Variants in KLHL5 observed in about 807,000 individuals in gnomAD.
KLHL5 encodes kelch-like protein 5.
A neutral mutation model predicts 77.7 loss-of-function variants in KLHL5; 48 were observed. The ratio of observed to expected loss-of-function variants is 0.62; its 90% CI spans 0.49 to 0.79. The LOEUF is 0.79. Ranked by LOEUF, KLHL5 falls within the 30% of genes least tolerant of loss-of-function variation. The pLI is 0.00. For missense variants in KLHL5, 723 were observed against 859.7 expected (o/e 0.84, Z 1.99); for synonymous variants, 260 against 297.0 (o/e 0.88, Z 1.28).
rs1723329658 is a variant in KLHL5 at position 39,123,242 on chromosome 4, A to G, written c.*2176A>G. ...AGTAATCAAAAATCTCCCAACAAAG[A>G]AAGTCCAGGACTAAATGAGTTTACT... On this transcript the variant is annotated 3_prime_UTR_variant, in exon 11 of 11. Coordinates refer to ENST00000504108, the MANE Select transcript of KLHL5 (RefSeq NM_015990.5). 6.6e-6 allele frequency among the ~76,000 whole-genome samples: 1 copy of G among 152,248 alleles called. No individual in the cohort carries two copies. The highest frequency in any genetic ancestry group is 1.5e-5 in the Non-Finnish European group (1 of 68,042).
At chr4:39,070,237 A>C (rs184890918) in intron 1 of KLHL5, among the ~76,000 whole-genome samples, 34 of 152,274 alleles carry the variant, frequency 2.2e-4, no homozygotes, top group Admixed American at 6.5e-4. Flanking sequence ...CTGTAGACTA[A>C]GGCAGGGAAT....
chr4:39,116,894 T>C (rs1489328011), intron 10 of KLHL5, among the ~76,000 whole-genome samples: 1 of 152,110 alleles, frequency 6.6e-6, no homozygotes, highest in Non-Finnish European at 1.5e-5. Flanking sequence ...TGGAGTGCAA[T>C]GGCACGATCT....
intron 5 of KLHL5, among the ~76,000 whole-genome samples, chr4:39,088,149 T>C (rs549971363): frequency 5.6e-4 from 85 of 152,220 alleles, no homozygotes; most frequent in Non-Finnish European, 1.1e-3. Context: ...CCGATTCGAC[T>C]TTGAGAAGAA....
upstream of KLHL5, among the ~76,000 whole-genome samples, chr4:39,058,540 T>C (rs943282466): frequency 1.3e-5 from 2 of 151,964 alleles, no homozygotes; most frequent in African/African-American, 2.4e-5. Flanking sequence ...CCCCCTGAGC[T>C]CGGGAGGTTG....
intron 4 of KLHL5, among the ~76,000 whole-genome samples, chr4:39,085,133 C>G (rs1253874080): frequency 6.6e-6 from 1 of 152,104 alleles, no homozygotes; most frequent in Non-Finnish European, 1.5e-5. Flanking sequence ...TTCAATAGAA[C>G]CTTTTGCTTG....
At chr4:39,087,281 T>C (rs1041623231) in intron 5 of KLHL5, among the ~76,000 whole-genome samples, 1 of 152,174 alleles carries the variant, frequency 6.6e-6, no homozygotes, top group African/African-American at 2.4e-5. Flanking sequence ...TCCTACCAAT[T>C]GGAGGAGAAT....
chr4:39,068,273 G>GA lies in KLHL5; in HGVS notation c.383+5248dup, dbSNP rs113947688. Among the ~76,000 whole-genome samples the GA allele has an allele frequency of 8.0e-3, 1,188 of 148,006 alleles. 14 individuals are homozygous for GA. The highest frequency in any genetic ancestry group is 0.027 in the African/African-American group (1,110 of 40,446). On this transcript the variant is annotated intron_variant, in intron 1 of 10. Coordinates refer to ENST00000504108, the MANE Select transcript of KLHL5 (RefSeq NM_015990.5). Reference sequence around the variant, plus strand: ...CAGTTTTAAATTAAATTCCTCTAATGAAAAAAAAAATGTGTTTCCAGGGAT... The same window carrying GA: ...CAGTTTTAAATTAAATTCCTCTAATGAAAAAAAAAAATGTGTTTCCAGGGAT...
At chr4:39,053,650 G>A (rs975022241) in intron 1 of KLHL5, among the ~76,000 whole-genome samples, 2 of 152,012 alleles carry the variant, frequency 1.3e-5, no homozygotes, top group African/African-American at 4.8e-5. Context: ...GGATAGCAAG[G>A]GAACCTTGTG....
At chr4:39,098,740 A>T (rs1721292565) in intron 6 of KLHL5, among the ~76,000 whole-genome samples, 1 of 151,694 alleles carries the variant, frequency 6.6e-6, no homozygotes, top group East Asian at 2.0e-4. Context: ...ATTTTTTTGT[A>T]CTTTTAGTAG....
Position 39,090,985 on chromosome 4 carries a change from ATTTTTTTT to A in KLHL5, c.1113+4271_1113+4278del, listed in dbSNP as rs61479288. Among the ~76,000 whole-genome samples, 289 of 127,334 alleles carry A rather than the reference ATTTTTTTT, an allele frequency of 2.3e-3. 2 individuals are homozygous for A. Among genetic ancestry groups the A allele is most frequent in the African/African-American group, 8.4e-3 (280 of 33,280 alleles). The allele number at this position is 127,334 out of a possible 152,430, so 83.5% of individuals were successfully genotyped here. On this transcript the variant is annotated intron_variant, in intron 5 of 10. Transcript: ENST00000504108. Reference sequence around the variant, plus strand: ...CACCACCATGCCCAGTCAGTTTTTAATTTTTTTTTTTTTTTTTTTTAAGACAGAGTCTC... The same window carrying A: ...CACCACCATGCCCAGTCAGTTTTTAATTTTTTTTTTTTAAGACAGAGTCTC...
At chr4:39,116,761 C>T (rs1251645423) in intron 10 of KLHL5, among the ~76,000 whole-genome samples, 1 of 152,092 alleles carries the variant, frequency 6.6e-6, no homozygotes, top group African/African-American at 2.4e-5. Flanking sequence ...GGGAGGATCG[C>T]TTGAGGCCAG....
chr4:39,141,522 A>G, the KLHL5 span, among the ~76,000 whole-genome samples: 1 of 152,054 alleles, frequency 6.6e-6, no homozygotes, highest in African/African-American at 2.4e-5. Context: ...CGTGTTAGCC[A>G]GGATGGTCTC....
intron 1 of KLHL5, among the ~76,000 whole-genome samples, chr4:39,069,179 G>A (rs1050673180): frequency 6.6e-6 from 1 of 151,984 alleles, no homozygotes; most frequent in Non-Finnish European, 1.5e-5. Flanking sequence ...TTAAGCAAGC[G>A]ACACAAGTTG....
intron 1 of KLHL5, among the ~76,000 whole-genome samples, chr4:39,070,849 C>A (rs778437660): frequency 1.4e-5 from 2 of 145,034 alleles, no homozygotes; most frequent in African/African-American, 2.6e-5. Context: ...ATTGCCTTGT[C>A]TCCTCTTCTT....
Position 39,096,749 on chromosome 4 carries a change from C to A in KLHL5, c.1171C>A (p.Leu391Ile). ...TCGGGATGATATAGAATGTCAGAAACTCATTATGGAAGCAATGAAGTACCA... is the reference window on the plus strand; with the variant it reads ...TCGGGATGATATAGAATGTCAGAAAATCATTATGGAAGCAATGAAGTACCA... ...LFRDDIECQK[L>I]IMEAMKYHLL... is the part of the protein sequence containing the mutation. Residue 391 changes from leucine to isoleucine, a missense_variant, in exon 6 of 11, where the codon CTC (leucine) becomes ATC (isoleucine). Leu to Ile is a conservative substitution (Grantham distance 5). Transcript: ENST00000504108. 6.2e-7 allele frequency: 1 copy of A among 1,613,140 alleles called. No individual in the cohort carries two copies. Among genetic ancestry groups the A allele is most frequent in the Non-Finnish European group, 8.5e-7 (1 of 1,179,224 alleles).
At chr4:39,069,622 C>A (rs1266474822) in intron 1 of KLHL5, among the ~76,000 whole-genome samples, 1 of 149,684 alleles carries the variant, frequency 6.7e-6, no homozygotes, top group African/African-American at 2.5e-5. Context: ...AAGTAAAAAT[C>A]ATCAACTACC....
At chr4:39,067,490 C>T (rs1221942484) in intron 1 of KLHL5, among the ~76,000 whole-genome samples, 2 of 152,076 alleles carry the variant, frequency 1.3e-5, no homozygotes, top group Non-Finnish European at 2.9e-5. Context: ...TCTTAACAAA[C>T]ACTGTACTAT....
Position 39,075,720 on chromosome 4 carries a change from T to A in KLHL5, c.384-245T>A, listed in dbSNP as rs375000044. Among the ~76,000 whole-genome samples, 5 of 152,298 alleles carry A rather than the reference T, an allele frequency of 3.3e-5. 1 individual carries two copies. ...ACAGAGAAAAGACCTCACAAAAAGA[T>A]ACTACAAAGAATATATGTAGCAATT... On this transcript the variant is annotated intron_variant, in intron 1 of 10. Coordinates refer to ENST00000504108, the MANE Select transcript of KLHL5 (RefSeq NM_015990.5).
At chr4:39,115,537 T>C in intron 10 of KLHL5, 1 of 1,464,158 alleles carries the variant, frequency 6.8e-7, no homozygotes, top group East Asian at 2.5e-5. Flanking sequence ...TGTAAGTTAA[T>C]ACTCAGAGAA....
Sources: gnomAD v4.1 joint callset for allele counts (sites outside exome capture counted in the v4.1 genomes callset) on GRCh38, gnomAD v4.1.1 for gene constraint, MANE v1.5 for transcripts, NCBI Gene and HGNC (gene_info 2026-07-23, HGNC 2026-07-21) for gene names.